SMIM45: variants seen among roughly 807,000 people sequenced by gnomAD.
SMIM45 encodes long intergenic non-protein coding RNA 634.
the SMIM45 span, among the ~76,000 whole-genome samples, chr22:41,948,022 AAC>A: frequency 1.3e-5 from 2 of 152,156 alleles, no homozygotes; most frequent in African/African-American, 2.4e-5. Context: ...CCTTGCTGCA[AAC>A]ACAGCCTGAG....
the SMIM45 span, among the ~76,000 whole-genome samples, chr22:41,957,493 G>A: frequency 6.6e-6 from 1 of 151,980 alleles, no homozygotes; most frequent in Non-Finnish European, 1.5e-5. Context: ...GAGCCACCGC[G>A]CCCGGCCTAC....
the SMIM45 span, chr22:41,946,969 CA>C: frequency 6.3e-7 from 1 of 1,590,930 alleles, no homozygotes; most frequent in East Asian, 2.2e-5. Context: ...GTGGCTGAAG[CA>C]CCGCCCAGGA....
chr22:41,954,202 ATT>A, the SMIM45 span, among the ~76,000 whole-genome samples: 51 of 104,506 alleles, frequency 4.9e-4, 2 homozygotes, highest in African/African-American at 9.5e-4. Context: ...GGTACTTTGA[ATT>A]TTTTTTTTTT....
chr22:41,947,258 G>A, the SMIM45 span: 4 of 606,214 alleles, frequency 6.6e-6, no homozygotes, highest in Non-Finnish European at 8.9e-6. Flanking sequence ...GCGTTCCAGC[G>A]CTACCCGTGG....
the SMIM45 span, among the ~76,000 whole-genome samples, chr22:41,949,945 A>G: frequency 3.3e-5 from 5 of 152,112 alleles, no homozygotes; most frequent in African/African-American, 9.7e-5. Flanking sequence ...CTGAACACCC[A>G]AGCTGGCAGG....
At chr22:41,955,393 G>A in the SMIM45 span, among the ~76,000 whole-genome samples, 3 of 152,016 alleles carry the variant, frequency 2.0e-5, no homozygotes, top group African/African-American at 7.2e-5. Context: ...TGGTCAGGCT[G>A]GTCTTGAATT....
chr22:41,951,341 A>G, the SMIM45 span, among the ~76,000 whole-genome samples: 4 of 152,118 alleles, frequency 2.6e-5, no homozygotes, highest in Admixed American at 6.5e-5. Context: ...CCCACCCCCA[A>G]CGTCAGCTCT....
chr22:41,958,270 C>A, the SMIM45 span: 1 of 456,268 alleles, frequency 2.2e-6, no homozygotes, highest in Non-Finnish European at 4.4e-6. Flanking sequence ...TTCGTGAAGT[C>A]CCCAGCTCCC....
the SMIM45 span, among the ~76,000 whole-genome samples, chr22:41,956,102 C>T: frequency 1.3e-5 from 2 of 151,932 alleles, no homozygotes; most frequent in Non-Finnish European, 2.9e-5. Context: ...CTCCATCTCC[C>T]AGACTTAGGT....
At chr22:41,956,281 G>A in the SMIM45 span, among the ~76,000 whole-genome samples, 1 of 152,174 alleles carries the variant, frequency 6.6e-6, no homozygotes, top group Non-Finnish European at 1.5e-5. Flanking sequence ...AAAATGCTTG[G>A]ATTACAGGCA....
the SMIM45 span, among the ~76,000 whole-genome samples, chr22:41,949,156 A>G: frequency 3.4e-4 from 52 of 152,144 alleles, no homozygotes; most frequent in African/African-American, 1.2e-3. Flanking sequence ...GAGGCAGGAG[A>G]ATCACTTGAA....
chr22:41,947,175 C>CT, the SMIM45 span: 1 of 1,179,978 alleles, frequency 8.5e-7, no homozygotes, highest in Non-Finnish European at 1.2e-6. Context: ...CACGTGCCTC[C>CT]TTATAGGCGG....
chr22:41,947,432 A>G, the SMIM45 span, among the ~76,000 whole-genome samples: 1 of 150,434 alleles, frequency 6.6e-6, no homozygotes, highest in Non-Finnish European at 1.5e-5. Flanking sequence ...AATGCGCGCA[A>G]TCTCGGCTCA....
At chr22:41,956,695 G>A in the SMIM45 span, among the ~76,000 whole-genome samples, 1 of 152,234 alleles carries the variant, frequency 6.6e-6, no homozygotes, top group Non-Finnish European at 1.5e-5. Context: ...ACTAGGACCA[G>A]TGTAGAGGTG....
the SMIM45 span, chr22:41,958,483 G>GGAGAGAGAGAGA: frequency 1.1e-3 from 391 of 356,028 alleles, 7 homozygotes; most frequent in African/African-American, 8.1e-3. Context: ...GGGTTGGTGA[G>GGAGAGAGAGAGA]GAGAGAGAGA....
the SMIM45 span, among the ~76,000 whole-genome samples, chr22:41,956,564 T>A: frequency 6.6e-6 from 1 of 152,168 alleles, no homozygotes; most frequent in Non-Finnish European, 1.5e-5. Flanking sequence ...GCAGCTGCAG[T>A]CAGGGCTGGG....
chr22:41,950,576 T>C, the SMIM45 span, among the ~76,000 whole-genome samples: 1 of 152,206 alleles, frequency 6.6e-6, no homozygotes, highest in Non-Finnish European at 1.5e-5. Flanking sequence ...CATGCATTTG[T>C]GGTCCAAGCT....
chr22:41,953,744 T>TG, the SMIM45 span, among the ~76,000 whole-genome samples: 1 of 71,218 alleles, frequency 1.4e-5, no homozygotes, highest in Admixed American at 1.5e-4. Flanking sequence ...TGATCTGTTT[T>TG]TTTTTTTTTT....
the SMIM45 span, among the ~76,000 whole-genome samples, chr22:41,956,516 C>T: frequency 6.6e-6 from 1 of 152,206 alleles, no homozygotes; most frequent in Non-Finnish European, 1.5e-5. Flanking sequence ...GGGAGACCTA[C>T]TCATCTCAGG....
Sources: allele counts gnomAD v4.1 joint callset (sites outside exome capture counted in the v4.1 genomes callset), GRCh38; gene constraint gnomAD v4.1.1; transcripts MANE v1.5; gene names NCBI Gene and HGNC (gene_info 2026-07-23, HGNC 2026-07-21).